ATG10: variants seen among roughly 807,000 people sequenced by gnomAD.
ATG10 encodes autophagy related 10.
Under a neutral mutation model 32.1 loss-of-function variants are expected in ATG10, and 30 were observed. That is an observed-to-expected ratio of 0.94 (90% CI 0.70 to 1.27). ATG10 has a LOEUF of 1.27. Ranked by LOEUF, ATG10 falls within the 50% of genes most tolerant of loss-of-function variation. The pLI, the probability that ATG10 is intolerant of heterozygous loss-of-function variation, is 0.00. For missense variants in ATG10, 233 were observed against 262.3 expected (o/e 0.89, Z 0.77); for synonymous variants, 87 against 91.5 (o/e 0.95, Z 0.28).
chr5:82,038,067 G>T (rs1323495059), intron 2 of ATG10, among the ~76,000 whole-genome samples: 1 of 152,194 alleles, frequency 6.6e-6, no homozygotes, highest in African/African-American at 2.4e-5. Flanking sequence ...GTATTTTCAA[G>T]ATAAAGATTG....
chr5:82,251,813 C>G (rs948969731), intron 5 of ATG10, among the ~76,000 whole-genome samples: 10 of 152,190 alleles, frequency 6.6e-5, no homozygotes, highest in Non-Finnish European at 1.3e-4. Context: ...CAAATGATGT[C>G]CACGTCCCTA....
chr5:82,014,204 T>C (rs1317883910), intron 2 of ATG10, among the ~76,000 whole-genome samples: 3 of 152,224 alleles, frequency 2.0e-5, no homozygotes, highest in African/African-American at 4.8e-5. Flanking sequence ...CAGTTTGTTA[T>C]AATTTGTGTT....
chr5:82,114,910 T>C (rs1345477328), intron 3 of ATG10, among the ~76,000 whole-genome samples: 2 of 152,096 alleles, frequency 1.3e-5, no homozygotes, highest in African/African-American at 4.8e-5. Context: ...TACAGTACAA[T>C]ATGATCGCTA....
intron 5 of ATG10, among the ~76,000 whole-genome samples, chr5:82,220,704 T>C (rs1745887664): frequency 1.3e-5 from 2 of 151,334 alleles, no homozygotes; most frequent in Non-Finnish European, 3.0e-5. Context: ...ATCTTGGCTC[T>C]CTGCAAGCTC....
chr5:82,209,893 T>G (rs1225181667), intron 5 of ATG10, among the ~76,000 whole-genome samples: 1 of 152,262 alleles, frequency 6.6e-6, no homozygotes, highest in Non-Finnish European at 1.5e-5. Flanking sequence ...TGTTTCACTG[T>G]GCTTCATTCT....
chr5:82,057,460 C>T (rs1053914261), intron 2 of ATG10, among the ~76,000 whole-genome samples: 2 of 152,114 alleles, frequency 1.3e-5, no homozygotes, highest in Non-Finnish European at 2.9e-5. Context: ...TCTTTAGCTC[C>T]TAGATGCACC....
At chr5:82,138,066 G>C (rs548375795) in intron 3 of ATG10, among the ~76,000 whole-genome samples, 2 of 152,248 alleles carry the variant, frequency 1.3e-5, no homozygotes, top group Admixed American at 1.3e-4. Flanking sequence ...AATGGTGGAC[G>C]CCCCTGTCCC....
At chr5:82,119,970 G>A (rs986401425) in intron 3 of ATG10, among the ~76,000 whole-genome samples, 7 of 148,750 alleles carry the variant, frequency 4.7e-5, no homozygotes, top group African/African-American at 1.8e-4. Flanking sequence ...TTGGCTGTAG[G>A]AGTCCACCAT....
chr5:82,069,034 T>G (rs1764037149), intron 3 of ATG10, among the ~76,000 whole-genome samples: 1 of 151,900 alleles, frequency 6.6e-6, no homozygotes, highest in African/African-American at 2.4e-5. Flanking sequence ...ATCTAAAATT[T>G]GAGTTTTCAA....
At chr5:82,087,329 C>T (rs1263776487) in intron 3 of ATG10, among the ~76,000 whole-genome samples, 1 of 151,842 alleles carries the variant, frequency 6.6e-6, no homozygotes, top group African/African-American at 2.4e-5. Flanking sequence ...TAGAAGTACT[C>T]AATATATTGA....
At chr5:82,207,787 A>G (rs1561357761) in intron 5 of ATG10, among the ~76,000 whole-genome samples, 3 of 152,192 alleles carry the variant, frequency 2.0e-5, no homozygotes, top group Admixed American at 6.5e-5. Context: ...GCACTGCCCA[A>G]TGCAGTGGTC....
chr5:82,065,663 A>T (rs1019877096), intron 3 of ATG10, among the ~76,000 whole-genome samples: 12 of 152,018 alleles, frequency 7.9e-5, no homozygotes. Context: ...TTTCTTAGAG[A>T]AATTGAGATA....
intron 1 of ATG10, among the ~76,000 whole-genome samples, chr5:81,983,278 CG>C (rs1386149110): frequency 7.5e-6 from 1 of 132,576 alleles, no homozygotes; most frequent in African/African-American, 2.9e-5. Context: ...GCTGGCTGGG[CG>C]GGGGGCTGAC....
At chr5:82,223,628 T>A (rs969188813) in intron 5 of ATG10, among the ~76,000 whole-genome samples, 5 of 152,178 alleles carry the variant, frequency 3.3e-5, no homozygotes, top group African/African-American at 1.2e-4. Context: ...TGGCATGGTC[T>A]TCTTTCCCCA....
intron 3 of ATG10, among the ~76,000 whole-genome samples, chr5:82,109,796 T>C (rs1765556516): frequency 2.0e-5 from 3 of 150,804 alleles, no homozygotes; most frequent in Admixed American, 6.6e-5. Flanking sequence ...TTTTATTTTT[T>C]AATATATATA....
chr5:82,152,377 C>A (rs959981605), intron 3 of ATG10, among the ~76,000 whole-genome samples: 3 of 152,218 alleles, frequency 2.0e-5, no homozygotes, highest in Non-Finnish European at 4.4e-5. Flanking sequence ...GGCTGCTCAG[C>A]AGCACTGACT....
At chr5:82,109,948 CAT>C (rs1412804562) in intron 3 of ATG10, among the ~76,000 whole-genome samples, 2 of 112,658 alleles carry the variant, frequency 1.8e-5, no homozygotes, top group Non-Finnish European at 4.1e-5. Context: ...TGCTATCCCC[CAT>C]CCCCCCACCC....
intron 2 of ATG10, among the ~76,000 whole-genome samples, chr5:82,050,230 T>A (rs1477612481): frequency 1.3e-5 from 2 of 152,090 alleles, no homozygotes; most frequent in Non-Finnish European, 2.9e-5. Context: ...ATGATTTTAA[T>A]TTGCTTAATG....
intron 2 of ATG10, among the ~76,000 whole-genome samples, chr5:82,037,090 C>T (rs1270412944): frequency 8.4e-6 from 1 of 118,350 alleles, no homozygotes; most frequent in Non-Finnish European, 1.6e-5. Flanking sequence ...GAGATCATGT[C>T]ACTGCACTCC....
Sources: gnomAD v4.1 joint callset for allele counts (sites outside exome capture counted in the v4.1 genomes callset) on GRCh38, gnomAD v4.1.1 for gene constraint, MANE v1.5 for transcripts, NCBI Gene and HGNC (gene_info 2026-07-23, HGNC 2026-07-21) for gene names.